CBFA2T3: variants seen among roughly 807,000 people sequenced by gnomAD.
CBFA2T3 encodes the protein transcriptional corepressor CBFA2T3.
Under a neutral mutation model 58.6 loss-of-function variants are expected in CBFA2T3, and 31 were observed. The ratio of observed to expected loss-of-function variants is 0.53; its 90% CI spans 0.40 to 0.71. The LOEUF (loss-of-function observed/expected upper bound fraction) is 0.71, where lower values mean the gene tolerates loss of function less well. Among genes scored for constraint, CBFA2T3 ranks in the 30% least tolerant of loss-of-function variants. CBFA2T3 has a pLI of 0.00. For missense variants in CBFA2T3, 1,076 were observed against 963.1 expected (o/e 1.12, Z -1.55); for synonymous variants, 531 against 421.9 (o/e 1.26, Z -3.17).
intron 1 of CBFA2T3, among the ~76,000 whole-genome samples, chr16:88,902,124 T>C (rs1160853948): frequency 6.6e-6 from 1 of 152,232 alleles, no homozygotes; most frequent in Non-Finnish European, 1.5e-5. Context: ...GTGGCGCTGC[T>C]GCTGGTCTGG....
At position 88,882,669 on chromosome 16, in the gene CBFA2T3, C is replaced by T. The variant is rs1480445807; in HGVS notation, c.1203+7G>A. The T allele has an allele frequency of 2.6e-6, 4 of 1,562,640 alleles. No homozygotes were observed. The Admixed American group carries it at 7.4e-5, about 29-fold the overall frequency. On this transcript the variant is annotated splice_region_variant and intron_variant, in intron 8 of 11. Transcript: ENST00000268679. The stretch of plus-strand genomic sequence containing the variant: ...CTGTGTGGGCGTGGCTGTGTGTGGA[C>T]ACTCACGTTGTTGAGGTGCTTCCAC...
At chr16:88,960,917 AACG>A (rs1290613245) in intron 1 of CBFA2T3, among the ~76,000 whole-genome samples, 21 of 152,376 alleles carry the variant, frequency 1.4e-4, no homozygotes, top group Non-Finnish European at 2.9e-4. Flanking sequence ...ATGTCAGATA[AACG>A]ATAACTGATT....
At chr16:88,920,620 G>A (rs910843026) in intron 1 of CBFA2T3, among the ~76,000 whole-genome samples, 3 of 152,122 alleles carry the variant, frequency 2.0e-5, no homozygotes, top group Non-Finnish European at 4.4e-5. Flanking sequence ...AAACTCCAAC[G>A]GCCACAGGTG....
intron 3 of CBFA2T3, among the ~76,000 whole-genome samples, chr16:88,893,794 G>A (rs1969750945): frequency 6.6e-6 from 1 of 152,186 alleles, no homozygotes. Context: ...TCAGGTGACA[G>A]AGCTAAGGCC....
intron 1 of CBFA2T3, among the ~76,000 whole-genome samples, chr16:88,905,997 C>CT (rs150408628): frequency 0.042 from 6,454 of 151,916 alleles, 191 homozygotes; most frequent in African/African-American, 0.081. Context: ...CTTCCTCGGG[C>CT]AAGCCACAGC....
chr16:88,961,977 C>T lies in CBFA2T3; in HGVS notation c.151+14680G>A, dbSNP rs367960284. 1.7e-3 allele frequency among the ~76,000 whole-genome samples: 249 copies of T among 147,506 alleles called. 2 individuals are homozygous for T. The highest frequency in any genetic ancestry group is 0.013 in the East Asian group (62 of 4,718). The stretch of plus-strand genomic sequence containing the variant: ...CTGGGCATTCCCACTGCATAGTAAC[C>T]GACACTCAGCACTGGGCATTCCCAT... On this transcript the variant is annotated intron_variant, in intron 1 of 11. Coordinates refer to ENST00000268679, the MANE Select transcript of CBFA2T3 (RefSeq NM_005187.6).
At chr16:88,886,197 C>T (rs756980579) in intron 5 of CBFA2T3, 55 bp from the exon 6 acceptor site, 2 of 1,317,322 alleles carry the variant, frequency 1.5e-6, no homozygotes, top group South Asian at 1.6e-5. Flanking sequence ...CAGCCCTGCT[C>T]AGGTCCGAGC....
At chr16:88,888,749 A>G (rs1969502588) in intron 5 of CBFA2T3, among the ~76,000 whole-genome samples, 1 of 151,672 alleles carries the variant, frequency 6.6e-6, no homozygotes. Flanking sequence ...GCCTCCCCCT[A>G]GAAGCGCCAT....
At chr16:88,878,374 G>C (rs1319389202) in intron 11 of CBFA2T3, among the ~76,000 whole-genome samples, 2 of 152,214 alleles carry the variant, frequency 1.3e-5, no homozygotes, top group African/African-American at 4.8e-5. Context: ...GGCTGGCCCA[G>C]GCACAGATGC....
At position 88,876,125 on chromosome 16, in the gene CBFA2T3, GGA is replaced by G; in HGVS notation, c.*849_*850del. On this transcript the variant is annotated 3_prime_UTR_variant, in exon 12 of 12. Coordinates refer to ENST00000268679, the MANE Select transcript of CBFA2T3 (RefSeq NM_005187.6). Reference sequence around the variant, plus strand: ...ACTTTGGCAGTGACAAACAAATTTTGGATTTTGATTTCTTGTGTTTGCTTTTT... The same window carrying G: ...ACTTTGGCAGTGACAAACAAATTTTGTTTTGATTTCTTGTGTTTGCTTTTT... The G allele has an allele frequency of 4.3e-6, 1 of 232,638 alleles. No homozygotes were observed. The highest frequency in any genetic ancestry group is 8.5e-6 in the Non-Finnish European group (1 of 117,428). 14.4% of individuals were successfully genotyped at this position (232,638 alleles called of 1,614,324 possible). A position where few individuals can be genotyped will look rare whatever the true frequency, so the allele number is the denominator to read the frequency against.
intron 1 of CBFA2T3, among the ~76,000 whole-genome samples, chr16:88,922,995 CCGACCAGCTCTACACGGCTCTTTA>C (rs1475071393): frequency 6.6e-6 from 1 of 152,130 alleles, no homozygotes; most frequent in Non-Finnish European, 1.5e-5. Context: ...GAGCTGGGAC[CCGACCAGCTCTACACGGCTCTTTA>C]CAGGCCCCCA....
chr16:88,974,800 G>A (rs932474149), intron 1 of CBFA2T3, among the ~76,000 whole-genome samples: 52 of 152,178 alleles, frequency 3.4e-4, no homozygotes, highest in African/African-American at 1.2e-3. Flanking sequence ...CCAGCCAGGC[G>A]AGGCTTGATG....
In CBFA2T3 at chr16:88,879,474, GGGCAGGGCTGGC is replaced by G. The variant is rs1567572282; in HGVS notation, c.1472-26_1472-15del. ...TCACGGCCTCTTCTGCAAAGGACAT[GGGCAGGGCTGGC>G]GGTCACATGGGCCATCCCAGATGGG... On this transcript the variant is annotated splice_polypyrimidine_tract_variant and intron_variant, in intron 10 of 11. Coordinates refer to ENST00000268679, the MANE Select transcript of CBFA2T3 (RefSeq NM_005187.6). The G allele has an allele frequency of 6.3e-7, 1 of 1,599,962 alleles. No homozygotes were observed. The highest frequency in any genetic ancestry group is 1.1e-5 in the South Asian group (1 of 90,658).
chr16:88,974,755 C>T (rs1032954268), intron 1 of CBFA2T3, among the ~76,000 whole-genome samples: 2 of 152,098 alleles, frequency 1.3e-5, no homozygotes, highest in African/African-American at 2.4e-5. Flanking sequence ...CCAGGACCCC[C>T]CGCAGTTCCC....
chr16:88,963,338 CT>C (rs36069741), intron 1 of CBFA2T3, among the ~76,000 whole-genome samples: 50,099 of 135,660 alleles, frequency 0.37, 9,143 homozygotes, highest in Middle Eastern at 0.6. Context: ...TTCTGCCAGG[CT>C]TTTTTTTTTT....
Position 88,894,488 on chromosome 16 carries a change from TACACACATGCAC to T in CBFA2T3, c.380-2015_380-2004del, listed in dbSNP as rs1162478962. 1.1e-3 allele frequency among the ~76,000 whole-genome samples: 134 copies of T among 119,064 alleles called. 3 individuals carry two copies. Among genetic ancestry groups the T allele is most frequent in the African/African-American group, 3.5e-3 (90 of 25,452 alleles). The allele number at this position is 119,064 out of a possible 152,430, so 78.1% of individuals were successfully genotyped here. A position where few individuals can be genotyped will look rare whatever the true frequency, so the allele number is the denominator to read the frequency against. On this transcript the variant is annotated intron_variant, in intron 3 of 11. Coordinates refer to ENST00000268679, the MANE Select transcript of CBFA2T3 (RefSeq NM_005187.6). ...CATACATATACACATGCACACAATG[TACACACATGCAC>T]ACACACATGCACACACACATGCATA...
intron 1 of CBFA2T3, among the ~76,000 whole-genome samples, chr16:88,931,818 C>T (rs868843682): frequency 2.6e-5 from 4 of 152,178 alleles, no homozygotes; most frequent in Admixed American, 6.5e-5. Flanking sequence ...CCTGGTGTCA[C>T]GGCTCACGCT....
At chr16:88,916,101 TG>T (rs1970711421) in intron 1 of CBFA2T3, among the ~76,000 whole-genome samples, 1 of 152,022 alleles carries the variant, frequency 6.6e-6, no homozygotes, top group African/African-American at 2.4e-5. Flanking sequence ...TGTGTGTGCA[TG>T]GGTGTGTGTC....
chr16:88,920,779 C>T (rs922230644), intron 1 of CBFA2T3, among the ~76,000 whole-genome samples: 1 of 152,226 alleles, frequency 6.6e-6, no homozygotes. Flanking sequence ...TCCCCAGCCC[C>T]TCCCTGCCCT....
Sources: gnomAD v4.1 joint callset for allele counts (sites outside exome capture counted in the v4.1 genomes callset) on GRCh38, gnomAD v4.1.1 for gene constraint, MANE v1.5 for transcripts, NCBI Gene and HGNC (gene_info 2026-07-23, HGNC 2026-07-21) for gene names.